MCM9: variants seen among roughly 807,000 people sequenced by gnomAD.
The protein encoded by MCM9 is DNA helicase MCM9.
In MCM9, 55 loss-of-function variants were observed where a neutral mutation model predicts 72.8. The observed-to-expected ratio is 0.76, with a 90% confidence interval of 0.61 to 0.95. The LOEUF is 0.95. MCM9 is among the 40% of genes least tolerant of loss of function. MCM9 has a pLI of 0.00. For missense variants in MCM9, 1,279 were observed against 1,377.0 expected, an observed-to-expected ratio of 0.93 and a Z score of 1.13; for synonymous variants, 480 against 503.4, an observed-to-expected ratio of 0.95 and a Z score of 0.62.
At chr6:118,831,214 C>T (rs1157657284) in intron 9 of MCM9, among the ~76,000 whole-genome samples, 1 of 151,664 alleles carries the variant, frequency 6.6e-6, no homozygotes, top group Non-Finnish European at 1.5e-5. Flanking sequence ...ATAGCCGGCA[C>T]GGTGGTACAC....
intron 9 of MCM9, among the ~76,000 whole-genome samples, chr6:118,833,992 C>T (rs1316777353): frequency 6.6e-6 from 1 of 152,154 alleles, no homozygotes; most frequent in Non-Finnish European, 1.5e-5. Flanking sequence ...CCATCATCTA[C>T]ATTAGGTATT....
At chr6:118,867,604 C>T (rs1475025801) in intron 8 of MCM9, among the ~76,000 whole-genome samples, 2 of 152,156 alleles carry the variant, frequency 1.3e-5, no homozygotes, top group East Asian at 3.8e-4. Flanking sequence ...GTGTCACAAA[C>T]TGCCTATAGT....
intron 8 of MCM9, among the ~76,000 whole-genome samples, chr6:118,910,154 T>G (rs1780439408): frequency 6.6e-6 from 1 of 150,914 alleles, no homozygotes; most frequent in South Asian, 2.1e-4. Flanking sequence ...AACAAGTTTA[T>G]ATTTATGTTA....
chr6:118,872,848 A>T (rs184629605), intron 8 of MCM9, among the ~76,000 whole-genome samples: 76 of 152,148 alleles, frequency 5.0e-4, no homozygotes, highest in African/African-American at 1.8e-3. Flanking sequence ...AGAAAAAAAA[A>T]TTTAATCAGA....
At position 118,814,774 on chromosome 6, in the gene MCM9, T is replaced by C; in HGVS notation, c.*50A>G. ...AAATACCATATTGATATCCTGAAGG[T>C]CCTCTGTGGAGTTGAAGAAGGTGAG... is the stretch of plus-strand genomic sequence containing the variant. On this transcript the variant is annotated 3_prime_UTR_variant, in exon 14 of 14. Transcript: ENST00000619706. 6.9e-7 allele frequency: 1 copy of C among 1,441,934 alleles called. No homozygotes were observed. 89.3% of individuals were successfully genotyped at this position (1,441,934 alleles called of 1,614,324 possible). A position where few individuals can be genotyped will look rare whatever the true frequency, so the allele number is the denominator to read the frequency against.
At chr6:118,934,205 T>A (rs1373946120) in intron 1 of MCM9, among the ~76,000 whole-genome samples, 1 of 152,174 alleles carries the variant, frequency 6.6e-6, no homozygotes, top group Non-Finnish European at 1.5e-5. Flanking sequence ...CCTTTCAACA[T>A]CTATGCAAAA....
intron 9 of MCM9, among the ~76,000 whole-genome samples, chr6:118,844,614 T>C (rs186580164): frequency 2.6e-5 from 4 of 151,792 alleles, no homozygotes; most frequent in Admixed American, 1.3e-4. Context: ...ACAGCTATGA[T>C]CTTGGCAGAA....
intron 3 of MCM9, among the ~76,000 whole-genome samples, chr6:118,926,223 T>C (rs749132442): frequency 1.4e-4 from 21 of 152,314 alleles, no homozygotes; most frequent in Non-Finnish European, 2.8e-4. Context: ...CCATCGTAAA[T>C]TGAAAATGTT....
chr6:118,901,423 C>G (rs1017795157), intron 8 of MCM9, among the ~76,000 whole-genome samples: 1 of 152,072 alleles, frequency 6.6e-6, no homozygotes, highest in African/African-American at 2.4e-5. Context: ...GAATGACATT[C>G]CAGAGTTTAC....
At chr6:118,817,864 T>G (rs1773511677) in intron 13 of MCM9, among the ~76,000 whole-genome samples, 1 of 152,246 alleles carries the variant, frequency 6.6e-6, no homozygotes. Flanking sequence ...CATTGTGGTT[T>G]TGATTTGCAT....
At chr6:118,849,881 CA>C (rs1372853345) in intron 9 of MCM9, among the ~76,000 whole-genome samples, 2 of 150,688 alleles carry the variant, frequency 1.3e-5, no homozygotes, top group Non-Finnish European at 3.0e-5. Flanking sequence ...CTTATTTTTC[CA>C]AAAAAAAGAA....
intron 6 of MCM9, among the ~76,000 whole-genome samples, chr6:118,913,792 G>A (rs539678831): frequency 3.3e-5 from 5 of 151,950 alleles, no homozygotes; most frequent in Non-Finnish European, 4.4e-5. Flanking sequence ...TTGGAGCAAC[G>A]TGGTCTCACT....
chr6:118,924,013 T>A lies in MCM9; in HGVS notation c.419A>T (p.Glu140Val). The A allele has an allele frequency of 2.5e-6, 4 of 1,614,140 alleles. No individual in the cohort carries two copies. Among genetic ancestry groups the A allele is most frequent in the Non-Finnish European group, 3.4e-6 (4 of 1,180,028 alleles). The change falls in exon 4 of 14, where the codon GAG (glutamate) becomes GTG (valine). Residue 140 changes from glutamate (E) to valine (V), a missense_variant. Glu to Val is a moderately radical substitution (Grantham distance 121, BLOSUM62 -2). Coordinates refer to ENST00000619706, the MANE Select transcript of MCM9 (RefSeq NM_017696.3). ...GTTACACATGTAATCCCGCTCAAAC[T>A]CCAGAACCTTCACCAGACTTGTTCG... ...VIRTSLVKVL[E>V]FERDYMCNKC...
rs2114392570 is a variant in MCM9, at chr6:118,881,827, A to G, written c.1151-25282T>C. ...TCATTGAAATCTAAAACTTCATAAG[A>G]ATAGTGAGAGTCTAAGACACTTAAA... On this transcript the variant is annotated intron_variant, in intron 8 of 13. Transcript: ENST00000619706. Among the ~76,000 whole-genome samples the G allele has an allele frequency of 1.3e-5, 2 of 152,342 alleles. 1 individual carries two copies. The highest frequency in any genetic ancestry group is 4.1e-4 in the South Asian group (2 of 4,830).
chr6:118,856,577 A>G lies in MCM9; in HGVS notation c.1151-32T>C, dbSNP rs193248498. The G allele has an allele frequency of 5.1e-5, 78 of 1,534,034 alleles. No homozygotes were observed. In the African/African-American group the frequency reaches 1.0e-3, roughly 20 times the overall value. Reference sequence around the variant, plus strand: ...AAACAAGCAAGCCATATCAACTTTTATTTTCAAAAGCATTATCTTGACTGG... The same window carrying G: ...AAACAAGCAAGCCATATCAACTTTTGTTTTCAAAAGCATTATCTTGACTGG... On this transcript the variant is annotated intron_variant, in intron 8 of 13. Transcript: ENST00000619706.
intron 8 of MCM9, chr6:118,908,790 A>G (rs535367034): frequency 6.6e-6 from 1 of 152,618 alleles, no homozygotes; most frequent in Non-Finnish European, 1.5e-5. Flanking sequence ...GAATATTTTC[A>G]TTATTCTTGC....
In MCM9 at chr6:118,931,515, T is replaced by C. The variant is rs1782425928; in HGVS notation, c.209A>G (p.Asp70Gly). The change falls in exon 3 of 14, where the codon GAT becomes GGT. Residue 70 changes from aspartate to glycine, a missense_variant. Physicochemically the swap from Asp to Gly is moderately conservative, Grantham distance 94. Coordinates refer to ENST00000619706, the MANE Select transcript of MCM9 (RefSeq NM_017696.3). ...CAAGGCTGACCTTCGCAGTGCACTA[T>C]CAAAAATTGTAAGCACTTCACTGGG... Reference protein sequence around the residue: ...MFPSEVLTIFDSALRRSALTI... With the variant: ...MFPSEVLTIFGSALRRSALTI... 2.5e-6 allele frequency: 4 copies of C among 1,614,146 alleles called. No homozygotes were observed. In the East Asian group the frequency reaches 8.9e-5, roughly 36 times the overall value.
Position 118,814,322 on chromosome 6 carries a change from T to A in MCM9, c.*502A>T, listed in dbSNP as rs1773276707. 6.7e-6 allele frequency: 1 copy of A among 150,074 alleles called. No homozygotes were observed. The highest frequency in any genetic ancestry group is 6.7e-5 in the Admixed American group (1 of 15,000). 9.3% of individuals were successfully genotyped at this position (150,074 alleles called of 1,614,324 possible). On this transcript the variant is annotated 3_prime_UTR_variant, in exon 14 of 14. Coordinates refer to ENST00000619706, the MANE Select transcript of MCM9 (RefSeq NM_017696.3). ...CAATACAAAAATAATACTAGAAAAATAGTCTGATTTTGGCAAATCATCCAA... is the reference window on the plus strand; with the variant it reads ...CAATACAAAAATAATACTAGAAAAAAAGTCTGATTTTGGCAAATCATCCAA...
At chr6:118,841,454 C>T (rs980851393) in intron 9 of MCM9, among the ~76,000 whole-genome samples, 1 of 152,206 alleles carries the variant, frequency 6.6e-6, no homozygotes, top group Non-Finnish European at 1.5e-5. Context: ...TCCTGGAAAG[C>T]AGAGGCAAAC....
Sources: gnomAD v4.1 joint callset for allele counts (sites outside exome capture counted in the v4.1 genomes callset) on GRCh38, gnomAD v4.1.1 for gene constraint, MANE v1.5 for transcripts, NCBI Gene and HGNC (gene_info 2026-07-23, HGNC 2026-07-21) for gene names.